The following NRXN1 variants were observed in gnomAD, a reference collection of about 807,000 sequenced individuals.
NRXN1 encodes neurexin 1, also known as neurexin-1.
A neutral mutation model predicts 150.9 loss-of-function variants in NRXN1; 39 were observed. The ratio of observed to expected loss-of-function variants is 0.26; its 90% CI spans 0.20 to 0.34. NRXN1 has a LOEUF of 0.34. Ranked by LOEUF, NRXN1 falls within the 10% of genes least tolerant of loss-of-function variation. The probability of loss-of-function intolerance (pLI) is 1.00; values close to 1 mark genes in which losing one functional copy is unlikely to be tolerated. For missense variants in NRXN1, 1,815 were observed against 1,949.9 expected, an observed-to-expected ratio of 0.93 and a Z score of 1.30; for synonymous variants, 924 against 757.0, an observed-to-expected ratio of 1.22 and a Z score of -3.62.
At chr2:51,015,476 C>T (rs116872776) in intron 2 of NRXN1, among the ~76,000 whole-genome samples, 2 of 151,992 alleles carry the variant, frequency 1.3e-5, no homozygotes, top group East Asian at 1.9e-4. Context: ...AAGGAAGGTG[C>T]CCATCATTCT....
intron 21 of NRXN1, among the ~76,000 whole-genome samples, chr2:50,014,406 T>A (rs1014243022): frequency 4.6e-5 from 7 of 152,108 alleles, no homozygotes; most frequent in African/African-American, 1.7e-4. Context: ...GCAATTGACA[T>A]TTAGGATTAG....
chr2:50,079,939 A>G (rs1697693248), intron 19 of NRXN1, among the ~76,000 whole-genome samples: 1 of 152,120 alleles, frequency 6.6e-6, no homozygotes, highest in African/African-American at 2.4e-5. Context: ...GAAAATATTA[A>G]ATGGAAAATT....
chr2:50,286,349 T>A (rs1219852140), intron 17 of NRXN1, among the ~76,000 whole-genome samples: 1 of 152,026 alleles, frequency 6.6e-6, no homozygotes, highest in Admixed American at 6.6e-5. Flanking sequence ...GAGATCAACT[T>A]TTTTCGAATC....
intron 5 of NRXN1, among the ~76,000 whole-genome samples, chr2:50,766,816 A>G (rs2105421756): frequency 6.6e-6 from 1 of 152,194 alleles, no homozygotes; most frequent in East Asian, 1.9e-4. Context: ...GGCAGTGTGA[A>G]GTTCAGCATT....
At chr2:50,372,330 T>C (rs963151106) in intron 17 of NRXN1, among the ~76,000 whole-genome samples, 2 of 152,108 alleles carry the variant, frequency 1.3e-5, no homozygotes, top group African/African-American at 4.8e-5. Context: ...TTTTACGGTC[T>C]AACTGGGAAG....
At chr2:50,534,016 T>G (rs751937488) in intron 10 of NRXN1, among the ~76,000 whole-genome samples, 2 of 152,072 alleles carry the variant, frequency 1.3e-5, no homozygotes, top group Non-Finnish European at 2.9e-5. Flanking sequence ...GTCTCTCATA[T>G]GCATTGCTCT....
chr2:50,937,532 C>A (rs1688729931), intron 2 of NRXN1, among the ~76,000 whole-genome samples: 1 of 152,008 alleles, frequency 6.6e-6, no homozygotes, highest in African/African-American at 2.4e-5. Context: ...TCATTTGGGG[C>A]AAAATAAACT....
chr2:50,943,864 A>T (rs1016129155), intron 2 of NRXN1, among the ~76,000 whole-genome samples: 1 of 152,200 alleles, frequency 6.6e-6, no homozygotes, highest in Non-Finnish European at 1.5e-5. Flanking sequence ...ATAATTTACT[A>T]TAATTGTATT....
chr2:49,996,928 T>C (rs1399798776), intron 21 of NRXN1, among the ~76,000 whole-genome samples: 1 of 152,236 alleles, frequency 6.6e-6, no homozygotes, highest in Non-Finnish European at 1.5e-5. Context: ...TATTTATCCA[T>C]TCTCTCTTGG....
intron 17 of NRXN1, among the ~76,000 whole-genome samples, chr2:50,452,432 C>T (rs1158892651): frequency 6.6e-6 from 1 of 152,108 alleles, no homozygotes; most frequent in Non-Finnish European, 1.5e-5. Flanking sequence ...AACCAAATCC[C>T]TCATTTTATA....
intron 2 of NRXN1, among the ~76,000 whole-genome samples, chr2:51,019,289 C>T (rs1018547797): frequency 2.0e-5 from 3 of 151,986 alleles, no homozygotes; most frequent in Non-Finnish European, 4.4e-5. Flanking sequence ...CTGATAAAAT[C>T]GATATTTTAT....
chr2:50,123,154 G>A (rs927954789), intron 18 of NRXN1, among the ~76,000 whole-genome samples: 1 of 152,088 alleles, frequency 6.6e-6, no homozygotes, highest in African/African-American at 2.4e-5. Flanking sequence ...AAAAACCTCT[G>A]CCCTCCTGTA....
intron 21 of NRXN1, among the ~76,000 whole-genome samples, chr2:49,967,582 A>G (rs1677174583): frequency 6.6e-6 from 1 of 152,104 alleles, no homozygotes; most frequent in Non-Finnish European, 1.5e-5. Context: ...TAAAACAAGC[A>G]TATACTTTTC....
At chr2:50,668,417 G>A (rs2104704365) in intron 5 of NRXN1, among the ~76,000 whole-genome samples, 1 of 151,894 alleles carries the variant, frequency 6.6e-6, no homozygotes, top group African/African-American at 2.4e-5. Flanking sequence ...ATATTCTCCA[G>A]CCAAATATTG....
intron 17 of NRXN1, among the ~76,000 whole-genome samples, chr2:50,285,736 T>A (rs535887906): frequency 6.6e-6 from 1 of 152,178 alleles, no homozygotes; most frequent in Non-Finnish European, 1.5e-5. Context: ...AATGTTTCAG[T>A]ATGCCTACAA....
At chr2:50,861,076 T>C (rs1676066551) in intron 5 of NRXN1, among the ~76,000 whole-genome samples, 1 of 152,072 alleles carries the variant, frequency 6.6e-6, no homozygotes, top group South Asian at 2.1e-4. Context: ...GGTTGGTTGG[T>C]CATTGTTTAC....
intron 5 of NRXN1, among the ~76,000 whole-genome samples, chr2:50,655,013 C>T (rs75571104): frequency 0.047 from 7,137 of 151,964 alleles, 196 homozygotes; most frequent in South Asian, 0.081. Context: ...AATTAATTTG[C>T]AACCTGGAGA....
intron 18 of NRXN1, among the ~76,000 whole-genome samples, chr2:50,122,460 T>C (rs1228142563): frequency 6.6e-6 from 1 of 152,236 alleles, no homozygotes. Context: ...GTGGCCTATA[T>C]GGGAGAGATC....
chr2:50,693,202 A>AG (rs1692317953), intron 5 of NRXN1, among the ~76,000 whole-genome samples: 1 of 152,228 alleles, frequency 6.6e-6, no homozygotes, highest in South Asian at 2.1e-4. Context: ...AGAATACAAA[A>AG]GGAAAAATAT....
Sources: allele counts gnomAD v4.1 joint callset (sites outside exome capture counted in the v4.1 genomes callset), GRCh38; gene constraint gnomAD v4.1.1; transcripts MANE v1.5; gene names NCBI Gene and HGNC (gene_info 2026-07-23, HGNC 2026-07-21).